The following CHST11 variants were observed in gnomAD, a reference collection of about 807,000 sequenced individuals.
The protein encoded by CHST11 is carbohydrate sulfotransferase 11.
A neutral mutation model predicts 30.4 loss-of-function variants in CHST11; 9 were observed. The ratio of observed to expected loss-of-function variants is 0.30; its 90% confidence interval spans 0.18 to 0.52. The LOEUF (loss-of-function observed/expected upper bound fraction) is 0.52. Ranked by LOEUF, CHST11 falls within the 20% of genes least tolerant of loss-of-function variation. The pLI is 0.97. For missense variants in CHST11, 348 were observed against 460.6 expected (o/e 0.76, Z 2.24); for synonymous variants, 152 against 187.8 (o/e 0.81, Z 1.56).
intron 1 of CHST11, among the ~76,000 whole-genome samples, chr12:104,567,564 G>C (rs950315078): frequency 5.9e-5 from 9 of 152,024 alleles, no homozygotes; most frequent in Non-Finnish European, 1.0e-4. Context: ...TTCCATTCCT[G>C]TTGAAACACT....
intron 2 of CHST11, among the ~76,000 whole-genome samples, chr12:104,667,435 C>T (rs1341977043): frequency 6.6e-6 from 1 of 152,186 alleles, no homozygotes; most frequent in African/African-American, 2.4e-5. Flanking sequence ...CATTGGATGA[C>T]AACATATATG....
intron 2 of CHST11, among the ~76,000 whole-genome samples, chr12:104,612,019 C>T (rs988651150): frequency 2.0e-5 from 3 of 152,188 alleles, no homozygotes; most frequent in Non-Finnish European, 4.4e-5. Flanking sequence ...CCACACTCAG[C>T]CCTGTTTCTC....
intron 2 of CHST11, among the ~76,000 whole-genome samples, chr12:104,685,446 A>C (rs746626904): frequency 1.3e-5 from 2 of 152,232 alleles, no homozygotes; most frequent in Non-Finnish European, 2.9e-5. Flanking sequence ...ATTTATACCA[A>C]TGATAAATTT....
intron 2 of CHST11, among the ~76,000 whole-genome samples, chr12:104,656,352 C>T (rs1199739924): frequency 6.6e-6 from 1 of 152,194 alleles, no homozygotes; most frequent in Non-Finnish European, 1.5e-5. Flanking sequence ...CCAAGTGATG[C>T]ATCAGGCTCC....
intron 1 of CHST11, among the ~76,000 whole-genome samples, chr12:104,490,512 C>T (rs974586640): frequency 1.3e-5 from 2 of 152,262 alleles, no homozygotes; most frequent in South Asian, 4.1e-4. Context: ...AAAACTTCAC[C>T]ATATCAGCAT....
chr12:104,583,721 C>CTTTTTTTTTTTTTT (rs1297368145), intron 1 of CHST11, among the ~76,000 whole-genome samples: 2 of 10,118 alleles, frequency 2.0e-4, no homozygotes, highest in African/African-American at 1.1e-4. Flanking sequence ...AGATCTCTCT[C>CTTTTTTTTTTTTTT]TTTTTTTTGA....
At chr12:104,487,522 A>G (rs544209063) in intron 1 of CHST11, among the ~76,000 whole-genome samples, 1 of 152,342 alleles carries the variant, frequency 6.6e-6, no homozygotes, top group South Asian at 2.1e-4. Context: ...TCAACCTCCC[A>G]AAGTGTTAGT....
intron 2 of CHST11, among the ~76,000 whole-genome samples, chr12:104,756,579 G>T (rs2040478428): frequency 8.8e-6 from 1 of 113,140 alleles, no homozygotes; most frequent in South Asian, 2.7e-4. Flanking sequence ...ACAGGGTCTT[G>T]CTCTGTCACC....
chr12:104,595,665 G>T (rs1274258844), intron 1 of CHST11, among the ~76,000 whole-genome samples: 1 of 152,206 alleles, frequency 6.6e-6, no homozygotes, highest in African/African-American at 2.4e-5. Flanking sequence ...CAGCTCTGTG[G>T]CTTTCCACAT....
At chr12:104,736,435 G>A (rs759022984) in intron 2 of CHST11, among the ~76,000 whole-genome samples, 11 of 152,170 alleles carry the variant, frequency 7.2e-5, no homozygotes, top group South Asian at 2.1e-4. Context: ...CAGCCTGGCC[G>A]AGCTGGAGAT....
chr12:104,497,202 A>G (rs2037807299), intron 1 of CHST11, among the ~76,000 whole-genome samples: 1 of 152,224 alleles, frequency 6.6e-6, no homozygotes. Context: ...AAATGTCACT[A>G]CATGTGGATA....
At chr12:104,539,854 T>C (rs371987392) in intron 1 of CHST11, among the ~76,000 whole-genome samples, 1 of 152,160 alleles carries the variant, frequency 6.6e-6, no homozygotes, top group Non-Finnish European at 1.5e-5. Context: ...TTTTCTTTTC[T>C]TTAGAGATAG....
At chr12:104,619,324 C>T (rs1488591235) in intron 2 of CHST11, among the ~76,000 whole-genome samples, 2 of 151,532 alleles carry the variant, frequency 1.3e-5, no homozygotes, top group Non-Finnish European at 2.9e-5. Context: ...GTGCTTGAAA[C>T]GGGAGTTGCA....
intron 2 of CHST11, among the ~76,000 whole-genome samples, chr12:104,659,066 A>G (rs1410414329): frequency 6.6e-6 from 1 of 152,238 alleles, no homozygotes; most frequent in South Asian, 2.1e-4. Context: ...ACGTTCTCTC[A>G]CTTGATCTCC....
Position 104,457,716 on chromosome 12 carries a change from G to C in CHST11, c.118+187G>C, listed in dbSNP as rs574097519. Among the ~76,000 whole-genome samples the C allele has an allele frequency of 5.9e-5, 9 of 152,266 alleles. No individual in the cohort carries two copies. In the South Asian group the frequency reaches 1.9e-3, roughly 32 times the overall value. ...CACCGCGTCGGGATGGGGAGGAGAA[G>C]GGAAGGTGTGCTTCGCCCTCTTCTT... On this transcript the variant is annotated intron_variant, in intron 1 of 2. Coordinates refer to ENST00000303694, the MANE Select transcript of CHST11 (RefSeq NM_018413.6).
intron 2 of CHST11, among the ~76,000 whole-genome samples, chr12:104,735,535 T>C (rs1240959096): frequency 6.6e-6 from 1 of 152,158 alleles, no homozygotes; most frequent in Non-Finnish European, 1.5e-5. Context: ...CGAGACATCA[T>C]CTTAGAGGAA....
intron 1 of CHST11, among the ~76,000 whole-genome samples, chr12:104,472,597 A>C (rs1186991345): frequency 1.3e-5 from 2 of 152,200 alleles, no homozygotes; most frequent in East Asian, 1.9e-4. Flanking sequence ...GAATTGCTTA[A>C]ATTTTGTTTC....
intron 2 of CHST11, among the ~76,000 whole-genome samples, chr12:104,750,454 T>TTTTTTTTTTTG (rs1566064735): frequency 4.9e-5 from 6 of 122,186 alleles, no homozygotes; most frequent in African/African-American, 6.8e-5. Flanking sequence ...TTTTTTTTTT[T>TTTTTTTTTTTG]TTGTTGAGAC....
chr12:104,714,828 G>C lies in CHST11; in HGVS notation c.205-42121G>C, dbSNP rs980398045. On this transcript the variant is annotated intron_variant, in intron 2 of 2. Transcript: ENST00000303694. ...TGGGCTGGTCACTCATACTTTTTGT[G>C]CCTCAGTTTCCTCATCTGTAAAATG... 3.9e-5 allele frequency among the ~76,000 whole-genome samples: 6 copies of C among 152,164 alleles called. No homozygotes were observed. The East Asian group carries it at 1.2e-3, about 29-fold the overall frequency.
Sources: gnomAD v4.1 joint callset for allele counts (sites outside exome capture counted in the v4.1 genomes callset) on GRCh38, gnomAD v4.1.1 for gene constraint, MANE v1.5 for transcripts, NCBI Gene and HGNC (gene_info 2026-07-23, HGNC 2026-07-21) for gene names.